The following PPFIA2 variants were observed in gnomAD, a reference collection of about 807,000 sequenced individuals.
The protein encoded by PPFIA2 is liprin-alpha-2.
Under a neutral mutation model 175.5 loss-of-function variants are expected in PPFIA2, and 46 were observed. The observed-to-expected ratio is 0.26, with a 90% confidence interval of 0.21 to 0.34. The LOEUF (loss-of-function observed/expected upper bound fraction) is 0.34, where lower values mean the gene tolerates loss of function less well. Ranked by LOEUF, PPFIA2 falls within the 10% of genes least tolerant of loss-of-function variation. The pLI is 1.00. For synonymous variants in PPFIA2, 568 were observed against 511.4 expected (o/e 1.11, Z -1.49); for missense variants, 1,179 against 1,506.1 (o/e 0.78, Z 3.60).
At chr12:81,457,325 G>A (rs116636222) in intron 5 of PPFIA2, among the ~76,000 whole-genome samples, 325 of 151,556 alleles carry the variant, frequency 2.1e-3, no homozygotes, top group African/African-American at 7.6e-3. Flanking sequence ...CTGCTGGGAG[G>A]AGGTGAGAAC....
At chr12:81,337,947 C>T (rs2057385844) in intron 21 of PPFIA2, among the ~76,000 whole-genome samples, 1 of 152,042 alleles carries the variant, frequency 6.6e-6, no homozygotes, top group African/African-American at 2.4e-5. Flanking sequence ...CTAAAGAGTT[C>T]CTCTACTGAG....
At chr12:81,430,130 C>T (rs1188086502) in intron 7 of PPFIA2, 2 of 152,072 alleles carry the variant, frequency 1.3e-5, no homozygotes, top group African/African-American at 4.8e-5. Flanking sequence ...AGTTCTATTA[C>T]TTGCCATTGA....
chr12:81,372,315 C>T (rs1348212360), intron 11 of PPFIA2, among the ~76,000 whole-genome samples: 1 of 150,828 alleles, frequency 6.6e-6, no homozygotes, highest in Non-Finnish European at 1.5e-5. Flanking sequence ...AAAAAGGTGA[C>T]AGTAAAGTAG....
chr12:81,413,146 C>T (rs992369899), intron 7 of PPFIA2, among the ~76,000 whole-genome samples: 1 of 151,786 alleles, frequency 6.6e-6, no homozygotes, highest in Non-Finnish European at 1.5e-5. Flanking sequence ...GACACAGTGC[C>T]TTGAGACTAG....
Position 81,592,160 on chromosome 12 carries a change from T to A in PPFIA2, c.303+84631A>T, listed in dbSNP as rs112192491. On this transcript the variant is annotated intron_variant, in intron 4 of 32. Coordinates refer to ENST00000549396, the MANE Select transcript of PPFIA2 (RefSeq NM_003625.5). ...TTTCAGACTTGCATGGGGCCTGTAGTCCTTTTGTTTTGGCCAATTTCTCCT... is the reference window on the plus strand; with the variant it reads ...TTTCAGACTTGCATGGGGCCTGTAGACCTTTTGTTTTGGCCAATTTCTCCT... Among the ~76,000 whole-genome samples, 967 of 152,246 alleles carry A rather than the reference T, an allele frequency of 6.4e-3. 37 individuals carry two copies. In the East Asian group the frequency reaches 0.095, roughly 15 times the overall value.
At chr12:81,534,333 G>A (rs1167925760) in intron 4 of PPFIA2, among the ~76,000 whole-genome samples, 1 of 151,548 alleles carries the variant, frequency 6.6e-6, no homozygotes, top group Non-Finnish European at 1.5e-5. Context: ...TAGAAGAGAG[G>A]ACTTAAAACG....
chr12:81,402,075 C>T (rs2042179224), intron 8 of PPFIA2, among the ~76,000 whole-genome samples: 1 of 152,048 alleles, frequency 6.6e-6, no homozygotes, highest in African/African-American at 2.4e-5. Flanking sequence ...AGTTCTCAAT[C>T]CACCGACACA....
chr12:81,333,096 G>A (rs2056455747), intron 21 of PPFIA2, among the ~76,000 whole-genome samples: 1 of 152,034 alleles, frequency 6.6e-6, no homozygotes, highest in African/African-American at 2.4e-5. Context: ...CCAATGCTTG[G>A]ATCCCCTCCA....
chr12:81,581,726 C>T (rs543941543), intron 4 of PPFIA2, among the ~76,000 whole-genome samples: 24 of 43,380 alleles, frequency 5.5e-4, no homozygotes, highest in Admixed American at 3.7e-3. Context: ...CAAAACAAAA[C>T]AAAACGAACA....
chr12:81,556,857 T>C (rs570267642), intron 4 of PPFIA2, among the ~76,000 whole-genome samples: 2 of 152,130 alleles, frequency 1.3e-5, no homozygotes, highest in African/African-American at 2.4e-5. Flanking sequence ...ACATGAGGAC[T>C]GCACATCTTT....
rs182099994 is a variant in PPFIA2, at chr12:81,387,946, A to T, written c.763-3702T>A. 4.6e-5 allele frequency among the ~76,000 whole-genome samples: 7 copies of T among 152,266 alleles called. No individual in the cohort carries two copies. The East Asian group carries it at 1.4e-3, about 29-fold the overall frequency. ...TCCTTCAACCAGCAACATTTCCAGCAGAAAGGGGAATACAGACTCTAAAGG... is the reference window on the plus strand; with the variant it reads ...TCCTTCAACCAGCAACATTTCCAGCTGAAAGGGGAATACAGACTCTAAAGG... On this transcript the variant is annotated intron_variant, in intron 8 of 32. Transcript: ENST00000549396.
chr12:81,267,362 T>C (rs1300353634), intron 29 of PPFIA2: 1 of 379,292 alleles, frequency 2.6e-6, no homozygotes, highest in East Asian at 7.2e-5. Flanking sequence ...GCCAAATTTT[T>C]ATTGAATCTA....
intron 4 of PPFIA2, among the ~76,000 whole-genome samples, chr12:81,542,882 C>T (rs1265621184): frequency 6.6e-6 from 1 of 152,038 alleles, no homozygotes; most frequent in African/African-American, 2.4e-5. Context: ...ATGGTTCAAG[C>T]TATAAAACTA....
At chr12:81,449,844 A>G (rs1441836434) in intron 5 of PPFIA2, among the ~76,000 whole-genome samples, 7 of 140,010 alleles carry the variant, frequency 5.0e-5, no homozygotes, top group Admixed American at 2.3e-4. Flanking sequence ...CTGTGTCCAA[A>G]TGTTCTCATT....
At chr12:81,520,314 AG>A (rs1435483292) in intron 4 of PPFIA2, among the ~76,000 whole-genome samples, 4 of 152,196 alleles carry the variant, frequency 2.6e-5, no homozygotes, top group African/African-American at 9.6e-5. Flanking sequence ...AGAACGAAGC[AG>A]GTTGGCATGA....
At position 81,372,536 on chromosome 12, in the gene PPFIA2, T is replaced by C. The variant is rs1406688311; in HGVS notation, c.1266+2098A>G. ...CAGAAAAAAAAAAAAAAAACAGATA[T>C]AAAAATAGACCCTAAAGGTCTTGAG... On this transcript the variant is annotated intron_variant, in intron 11 of 32. Coordinates refer to ENST00000549396, the MANE Select transcript of PPFIA2 (RefSeq NM_003625.5). 3.0e-5 allele frequency among the ~76,000 whole-genome samples: 3 copies of C among 98,812 alleles called. No homozygotes were observed. The South Asian group carries it at 9.2e-4, about 30-fold the overall frequency. The allele number at this position is 98,812 out of a possible 152,430, so 64.8% of individuals were successfully genotyped here.
Position 81,646,647 on chromosome 12 carries a change from C to T in PPFIA2, c.303+30144G>A, listed in dbSNP as rs543095827. 5.9e-5 allele frequency among the ~76,000 whole-genome samples: 9 copies of T among 152,268 alleles called. No homozygotes were observed. The South Asian group carries it at 1.9e-3, about 32-fold the overall frequency. ...ACTCATACAAATTATAACATAGGCG[C>T]AGTCCATAAAAGGAAGAATTTTAAG... On this transcript the variant is annotated intron_variant, in intron 4 of 32. Coordinates refer to ENST00000549396, the MANE Select transcript of PPFIA2 (RefSeq NM_003625.5).
At chr12:81,280,101 C>A (rs1345860226) in intron 27 of PPFIA2, among the ~76,000 whole-genome samples, 2 of 152,174 alleles carry the variant, frequency 1.3e-5, no homozygotes, top group Admixed American at 6.5e-5. Flanking sequence ...TTGATACCCA[C>A]AAATAAATGC....
intron 4 of PPFIA2, among the ~76,000 whole-genome samples, chr12:81,673,749 G>A (rs2071899054): frequency 6.6e-6 from 1 of 151,722 alleles, no homozygotes; most frequent in South Asian, 2.1e-4. Context: ...TATGTGATTT[G>A]GAAAAATCTG....
Sources: allele counts gnomAD v4.1 joint callset (sites outside exome capture counted in the v4.1 genomes callset), GRCh38; gene constraint gnomAD v4.1.1; transcripts MANE v1.5; gene names NCBI Gene and HGNC (gene_info 2026-07-23, HGNC 2026-07-21).